The following FBXO4 variants were observed in gnomAD, a reference collection of about 807,000 sequenced individuals.
FBXO4 encodes the protein F-box only protein 4.
In FBXO4, 36 loss-of-function variants were observed where a neutral mutation model predicts 43.7. The ratio of observed to expected loss-of-function variants is 0.82; its 90% CI spans 0.63 to 1.09. FBXO4 has a LOEUF of 1.09. Among genes scored for constraint, FBXO4 ranks in the 50% least tolerant of loss-of-function variants. The pLI is 0.00. For missense variants in FBXO4, 435 were observed against 474.1 expected (o/e 0.92, Z 0.77); for synonymous variants, 180 against 165.6 (o/e 1.09, Z -0.67).
chr5:41,975,981 G>A, the FBXO4 span, among the ~76,000 whole-genome samples: 1 of 152,096 alleles, frequency 6.6e-6, no homozygotes, highest in African/African-American at 2.4e-5. Context: ...GACACAGCAT[G>A]TCACATGGTG....
At chr5:42,038,700 C>T in the FBXO4 span, among the ~76,000 whole-genome samples, 14 of 152,006 alleles carry the variant, frequency 9.2e-5, no homozygotes, top group Non-Finnish European at 1.5e-5. Flanking sequence ...TTACTAAGTA[C>T]TAGGTCTTAT....
At chr5:41,959,031 C>A in the FBXO4 span, among the ~76,000 whole-genome samples, 1 of 152,126 alleles carries the variant, frequency 6.6e-6, no homozygotes, top group Non-Finnish European at 1.5e-5. Flanking sequence ...TACAAAAGTT[C>A]TTTTCTCTGC....
At chr5:42,030,207 T>C in the FBXO4 span, among the ~76,000 whole-genome samples, 5 of 152,166 alleles carry the variant, frequency 3.3e-5, no homozygotes, top group Non-Finnish European at 4.4e-5. Context: ...CTTCAAACTA[T>C]ACTACAAGGC....
chr5:41,939,562 C>A lies in FBXO4; in HGVS notation c.1020C>A (p.Pro340=). ...CTCAAGGGGATGTAAAAAGAATGCC[C>A]TGTTTTTATTTGGCTCATGAGCTGC... is the stretch of plus-strand genomic sequence containing the variant. ...CISQGDVKRM[P]CFYLAHELHL... is the part of the protein sequence containing the mutation. Residue 340 remains proline (P), a synonymous_variant, in exon 6 of 7, where the codon CCC becomes CCA. Transcript: ENST00000281623. The A allele has an allele frequency of 6.2e-7, 1 of 1,613,704 alleles. No homozygotes were observed.
intron 3 of FBXO4, among the ~76,000 whole-genome samples, chr5:41,932,247 C>CAGTAT: frequency 6.6e-6 from 1 of 152,208 alleles, no homozygotes. Flanking sequence ...AAGGGCAGAA[C>CAGTAT]AGTATGGCGA....
chr5:41,970,751 C>T, the FBXO4 span, among the ~76,000 whole-genome samples: 1 of 152,000 alleles, frequency 6.6e-6, no homozygotes, highest in Non-Finnish European at 1.5e-5. Flanking sequence ...TATACACCAT[C>T]ACTTTAATTG....
Position 41,939,548 on chromosome 5 carries a change from G to T in FBXO4, c.1006G>T (p.Val336Leu), listed in dbSNP as rs1371101071. 6 of 1,613,848 alleles carry T rather than the reference G, an allele frequency of 3.7e-6. No homozygotes were observed. The highest frequency in any genetic ancestry group is 5.1e-6 in the Non-Finnish European group (6 of 1,179,842). ...LVLSCISQGD[V>L]KRMPCFYLAH... Reference sequence around the variant, plus strand: ...TTTATCTTGTATTTCTCAAGGGGATGTAAAAAGAATGCCCTGTTTTTATTT... The same window carrying T: ...TTTATCTTGTATTTCTCAAGGGGATTTAAAAAGAATGCCCTGTTTTTATTT... Residue 336 changes from valine to leucine, a missense_variant, in exon 6 of 7, where the codon GTA (valine) becomes TTA (leucine). Physicochemically the swap from Val to Leu is conservative, Grantham distance 32. Coordinates refer to ENST00000281623, the MANE Select transcript of FBXO4 (RefSeq NM_012176.3).
chr5:42,007,276 TATGA>T, the FBXO4 span, among the ~76,000 whole-genome samples: 4 of 152,010 alleles, frequency 2.6e-5, no homozygotes, highest in African/African-American at 4.8e-5. Flanking sequence ...TTGTACTTTT[TATGA>T]ATGATTTATG....
chr5:42,020,062 G>C, the FBXO4 span, among the ~76,000 whole-genome samples: 2 of 152,064 alleles, frequency 1.3e-5, no homozygotes, highest in African/African-American at 4.8e-5. Context: ...TCTAAATCCT[G>C]CCAAAATAAA....
chr5:42,032,515 C>G, the FBXO4 span, among the ~76,000 whole-genome samples: 3 of 152,178 alleles, frequency 2.0e-5, no homozygotes, highest in Admixed American at 1.3e-4. Context: ...GCCCCCACCA[C>G]TATAGACAAT....
the FBXO4 span, among the ~76,000 whole-genome samples, chr5:42,001,429 G>A: frequency 1.7e-4 from 26 of 152,174 alleles, no homozygotes; most frequent in African/African-American, 6.3e-4. Context: ...ACGGGGTTTC[G>A]CCATGTTGGC....
chr5:41,933,870 A>T (rs1333292169), intron 3 of FBXO4, 76 bp from the exon 4 acceptor site: 1 of 1,215,388 alleles, frequency 8.2e-7, no homozygotes, highest in Non-Finnish European at 1.2e-6. Flanking sequence ...TTTTGCTTTC[A>T]CCGGGTAATT....
the FBXO4 span, among the ~76,000 whole-genome samples, chr5:42,007,761 T>G: frequency 6.6e-6 from 1 of 152,136 alleles, no homozygotes; most frequent in African/African-American, 2.4e-5. Flanking sequence ...ATATTATGTC[T>G]TTTTGTACTT....
At chr5:41,939,376 T>TA in intron 5 of FBXO4, 65 bp from the exon 6 acceptor site, 2 of 1,412,056 alleles carry the variant, frequency 1.4e-6, no homozygotes. Context: ...GTTAGTTTTT[T>TA]ATTTTATTAT....
chr5:41,959,338 A>T, the FBXO4 span, among the ~76,000 whole-genome samples: 1 of 152,026 alleles, frequency 6.6e-6, no homozygotes, highest in East Asian at 1.9e-4. Context: ...CCCATCCCAT[A>T]TGTTGTCTCT....
At chr5:42,020,287 T>A in the FBXO4 span, among the ~76,000 whole-genome samples, 1 of 152,186 alleles carries the variant, frequency 6.6e-6, no homozygotes, top group East Asian at 1.9e-4. Context: ...AATGAAGTGA[T>A]CTAATATCAA....
downstream of FBXO4, among the ~76,000 whole-genome samples, chr5:41,941,927 TC>T (rs1259196230): frequency 6.6e-6 from 1 of 152,152 alleles, no homozygotes; most frequent in Non-Finnish European, 1.5e-5. Context: ...TATTCCATAC[TC>T]AGAGTGAAAA....
chr5:41,986,330 GAGA>G, the FBXO4 span, among the ~76,000 whole-genome samples: 2 of 151,934 alleles, frequency 1.3e-5, no homozygotes, highest in Non-Finnish European at 2.9e-5. Context: ...CTAAGAGAGA[GAGA>G]GGAAAAAAAA....
chr5:42,038,597 T>C, the FBXO4 span, among the ~76,000 whole-genome samples: 1 of 152,150 alleles, frequency 6.6e-6, no homozygotes, highest in Non-Finnish European at 1.5e-5. Flanking sequence ...GAAGCATTTA[T>C]CATTTCTTTG....
Sources: gnomAD v4.1 joint callset for allele counts (sites outside exome capture counted in the v4.1 genomes callset) on GRCh38, gnomAD v4.1.1 for gene constraint, MANE v1.5 for transcripts, NCBI Gene and HGNC (gene_info 2026-07-23, HGNC 2026-07-21) for gene names.